CDC42BPA: variants seen among roughly 807,000 people sequenced by gnomAD.
CDC42BPA encodes the protein CDC42 binding protein kinase alpha, also known as serine/threonine-protein kinase MRCK alpha.
A neutral mutation model predicts 223.5 loss-of-function variants in CDC42BPA; 80 were observed. The observed-to-expected ratio is 0.36, with a 90% confidence interval of 0.30 to 0.43. The LOEUF (loss-of-function observed/expected upper bound fraction) is 0.43. Among genes scored for constraint, CDC42BPA ranks in the 20% least tolerant of loss-of-function variants. The pLI is 1.00. For synonymous variants in CDC42BPA, 694 were observed against 718.6 expected (o/e 0.97, Z 0.55); for missense variants, 1,743 against 2,099.9 (o/e 0.83, Z 3.32).
chr1:227,311,233 T>C (rs1693483597), intron 1 of CDC42BPA, among the ~76,000 whole-genome samples: 1 of 151,722 alleles, frequency 6.6e-6, no homozygotes, highest in Non-Finnish European at 1.5e-5. Flanking sequence ...TGGTGGCACA[T>C]GCTTGTAGCT....
chr1:227,068,042 A>C (rs1042389068), intron 21 of CDC42BPA, among the ~76,000 whole-genome samples: 2 of 152,042 alleles, frequency 1.3e-5, no homozygotes, highest in African/African-American at 2.4e-5. Flanking sequence ...GATAGAATTC[A>C]GGAGAGAAAG....
At chr1:227,062,562 G>A (rs1290207912) in intron 21 of CDC42BPA, among the ~76,000 whole-genome samples, 3 of 152,088 alleles carry the variant, frequency 2.0e-5, no homozygotes, top group African/African-American at 7.2e-5. Context: ...CTTAAGGGCA[G>A]GAAGTATTGT....
intron 1 of CDC42BPA, among the ~76,000 whole-genome samples, chr1:227,288,399 T>C (rs1689137583): frequency 6.6e-6 from 1 of 151,700 alleles, no homozygotes; most frequent in African/African-American, 2.4e-5. Context: ...TGAAAAATCT[T>C]AAAATTAAAA....
At chr1:227,159,662 AAAC>A (rs1167727630) in intron 6 of CDC42BPA, among the ~76,000 whole-genome samples, 4 of 152,098 alleles carry the variant, frequency 2.6e-5, no homozygotes, top group Non-Finnish European at 5.9e-5. Context: ...AAAAAAAAAA[AAAC>A]AGAATAAAAC....
intron 1 of CDC42BPA, among the ~76,000 whole-genome samples, chr1:227,305,350 G>C (rs1392635385): frequency 6.6e-6 from 1 of 151,994 alleles, no homozygotes; most frequent in East Asian, 1.9e-4. Flanking sequence ...ACTCTGTATA[G>C]ATTACTCTTA....
At chr1:227,308,963 A>G (rs1693043410) in intron 1 of CDC42BPA, among the ~76,000 whole-genome samples, 1 of 152,208 alleles carries the variant, frequency 6.6e-6, no homozygotes, top group Non-Finnish European at 1.5e-5. Context: ...TCTTTTCAAA[A>G]GATTGTTTTC....
chr1:227,197,972 A>G (rs1369882344), intron 4 of CDC42BPA, among the ~76,000 whole-genome samples: 2 of 152,202 alleles, frequency 1.3e-5, no homozygotes, highest in Non-Finnish European at 2.9e-5. Flanking sequence ...ACAACTATGC[A>G]TCTAGCACAT....
At chr1:227,175,847 G>C (rs765707883) in intron 5 of CDC42BPA, among the ~76,000 whole-genome samples, 4 of 152,134 alleles carry the variant, frequency 2.6e-5, no homozygotes, top group Non-Finnish European at 5.9e-5. Flanking sequence ...TGTTTTCCCT[G>C]CAGTAGGAAA....
intron 34 of CDC42BPA, among the ~76,000 whole-genome samples, chr1:227,012,139 G>T (rs1048582746): frequency 6.6e-6 from 1 of 152,132 alleles, no homozygotes; most frequent in African/African-American, 2.4e-5. Context: ...ACATCTTAAA[G>T]CTCCAGGATG....
At position 226,994,737 on chromosome 1, in the gene CDC42BPA, G is replaced by A; in HGVS notation, c.5133+86C>T. 2 of 1,369,448 alleles carry A rather than the reference G, an allele frequency of 1.5e-6. No individual in the cohort carries two copies. The highest frequency in any genetic ancestry group is 4.2e-5 in the Admixed American group (2 of 47,644). 84.8% of individuals were successfully genotyped at this position (1,369,448 alleles called of 1,614,324 possible). A position where few individuals can be genotyped will look rare whatever the true frequency, so the allele number is the denominator to read the frequency against. ...CCTGACCCCGAACCCTGCTGCAGCT[G>A]AGGCCAATCCCAAGGTGGTGGGATT... On this transcript the variant is annotated intron_variant, in intron 36 of 36. Transcript: ENST00000366766. This position sits in a 1 kb window ranked among gnomAD's most constrained non-coding sequence, Gnocchi z 4.0.
intron 1 of CDC42BPA, among the ~76,000 whole-genome samples, chr1:227,309,322 T>C (rs552121319): frequency 3.3e-5 from 5 of 152,326 alleles, no homozygotes; most frequent in African/African-American, 1.2e-4. Context: ...CCAAAAACTC[T>C]GAACAAAAGT....
chr1:227,171,730 T>C (rs1462491657), intron 5 of CDC42BPA, among the ~76,000 whole-genome samples: 1 of 152,176 alleles, frequency 6.6e-6, no homozygotes, highest in East Asian at 1.9e-4. Flanking sequence ...TTACAAATAT[T>C]ACCCCCATAA....
chr1:227,175,667 T>A (rs1012130730), intron 5 of CDC42BPA, among the ~76,000 whole-genome samples: 1 of 152,134 alleles, frequency 6.6e-6, no homozygotes, highest in African/African-American at 2.4e-5. Context: ...AAATTTGAAA[T>A]TTTCCCATCT....
chr1:227,129,011 C>G, intron 11 of CDC42BPA, 98 bp downstream of exon 11: 1 of 818,184 alleles, frequency 1.2e-6, no homozygotes, highest in Non-Finnish European at 1.9e-6. Context: ...ACTCACATCA[C>G]ATAACACAGA....
At chr1:227,086,799 C>T (rs1682015618) in intron 16 of CDC42BPA, among the ~76,000 whole-genome samples, 1 of 151,664 alleles carries the variant, frequency 6.6e-6, no homozygotes, top group Middle Eastern at 3.4e-3. Context: ...TTCCAGGTAA[C>T]TGGGACTACA....
At chr1:227,123,391 A>T (rs1689008884) in intron 11 of CDC42BPA, among the ~76,000 whole-genome samples, 1 of 152,168 alleles carries the variant, frequency 6.6e-6, no homozygotes, top group South Asian at 2.1e-4. Flanking sequence ...TATAAAATTC[A>T]ACTTGTTAGT....
intron 17 of CDC42BPA, among the ~76,000 whole-genome samples, chr1:227,078,130 A>T (rs4653478): frequency 0.28 from 43,095 of 151,970 alleles, 6,337 homozygotes; most frequent in African/African-American, 0.35. Flanking sequence ...TTCTTTTACA[A>T]AAATTCTCCA....
chr1:227,093,865 C>T (rs1683515819), intron 15 of CDC42BPA, among the ~76,000 whole-genome samples: 1 of 152,208 alleles, frequency 6.6e-6, no homozygotes, highest in South Asian at 2.1e-4. Flanking sequence ...GCTGAGAACT[C>T]TGAACTCTCG....
At chr1:227,018,205 T>C in intron 32 of CDC42BPA, among the ~76,000 whole-genome samples, 1 of 152,014 alleles carries the variant, frequency 6.6e-6, no homozygotes, top group Non-Finnish European at 1.5e-5. Flanking sequence ...TGCGCCACCA[T>C]GCCCAGCCAA....
Sources: gnomAD v4.1 joint callset for allele counts (sites outside exome capture counted in the v4.1 genomes callset) on GRCh38, gnomAD v4.1.1 for gene constraint, Gnocchi (gnomAD v3.1) non-coding constraint, MANE v1.5 for transcripts, NCBI Gene and HGNC (gene_info 2026-07-23, HGNC 2026-07-21) for gene names.